SYT1: variants seen among roughly 807,000 people sequenced by gnomAD.
The protein encoded by SYT1 is synaptotagmin 1, also known as synaptotagmin-1.
In SYT1, 8 loss-of-function variants were observed where a neutral mutation model predicts 44.8. The observed-to-expected ratio is 0.18, with a 90% CI of 0.10 to 0.32. The LOEUF is 0.32. Ranked by LOEUF, SYT1 falls within the 10% of genes least tolerant of loss-of-function variation. The pLI is 1.00. For synonymous variants in SYT1, 154 were observed against 188.8 expected, an observed-to-expected ratio of 0.82 and a Z score of 1.51; for missense variants, 286 against 509.3, an observed-to-expected ratio of 0.56 and a Z score of 4.22.
intron 3 of SYT1, among the ~76,000 whole-genome samples, chr12:79,094,041 A>G (rs777107302): frequency 9.2e-5 from 14 of 151,652 alleles, no homozygotes; most frequent in Non-Finnish European, 1.6e-4. Flanking sequence ...TTGTAACAAG[A>G]AGTTAAAAGT....
intron 9 of SYT1, among the ~76,000 whole-genome samples, chr12:79,354,562 TAATTTGTCG>T (rs897251301): frequency 2.0e-5 from 3 of 152,194 alleles, no homozygotes; most frequent in Non-Finnish European, 4.4e-5. Flanking sequence ...ACTTACCCAC[TAATTTGTCG>T]ACCAAATTCT....
intron 1 of SYT1, among the ~76,000 whole-genome samples, chr12:78,936,997 G>T (rs1342297760): frequency 6.6e-6 from 1 of 151,966 alleles, no homozygotes; most frequent in Non-Finnish European, 1.5e-5. Context: ...ATGGCTCCCA[G>T]GTCCTTGAGA....
At chr12:79,100,971 C>T (rs939287160) in intron 3 of SYT1, among the ~76,000 whole-genome samples, 2 of 152,102 alleles carry the variant, frequency 1.3e-5, no homozygotes, top group African/African-American at 4.8e-5. Context: ...TTCTACCTCA[C>T]TGCAATGGAA....
chr12:79,140,827 G>A (rs964700878), intron 3 of SYT1, among the ~76,000 whole-genome samples: 2 of 152,214 alleles, frequency 1.3e-5, no homozygotes, highest in African/African-American at 2.4e-5. Context: ...TAGGCTAACA[G>A]ATTGCCAGCA....
intron 4 of SYT1, among the ~76,000 whole-genome samples, chr12:79,245,718 AT>A (rs1303208363): frequency 6.6e-6 from 1 of 152,200 alleles, no homozygotes; most frequent in Non-Finnish European, 1.5e-5. Context: ...TCACTGTCTA[AT>A]TAAATTCAAC....
chr12:78,974,435 T>C lies in SYT1; in HGVS notation c.-216-3364T>C, dbSNP rs1868661220. Among the ~76,000 whole-genome samples the C allele has an allele frequency of 1.3e-5, 2 of 151,978 alleles. 1 individual carries two copies. The highest frequency in any genetic ancestry group is 4.1e-4 in the South Asian group (2 of 4,826). ...AATTATTATTATTATTTTATTTTTA[T>C]TTATTTATCTATTTATTTTGTGATG... is the stretch of plus-strand genomic sequence containing the variant. On this transcript the variant is annotated intron_variant, in intron 1 of 10. Coordinates refer to ENST00000261205, the MANE Select transcript of SYT1 (RefSeq NM_005639.3).
rs57706449 is a variant in SYT1, at chr12:79,117,662, CATATATATATATATATATATATAT to C, written c.-18+70330_-18+70353del. 3.1e-3 allele frequency among the ~76,000 whole-genome samples: 121 copies of C among 39,310 alleles called. 2 individuals carry two copies. The highest frequency in any genetic ancestry group is 0.033 in the Middle Eastern group (2 of 60). 25.8% of individuals were successfully genotyped at this position (39,310 alleles called of 152,430 possible). On this transcript the variant is annotated intron_variant, in intron 3 of 10. Transcript: ENST00000261205. ...GTGTGTGTGTGTGTGTGTATTACAT[CATATATATATATATATATATATAT>C]ATATATATATATATATATATATATA...
rs1222234708 is a variant in SYT1 at position 79,064,968 on chromosome 12, GA to G, written c.-18+17609del. Among the ~76,000 whole-genome samples the G allele has an allele frequency of 3.3e-3, 495 of 149,650 alleles. 3 individuals carry two copies. The highest frequency in any genetic ancestry group is 0.012 in the African/African-American group (465 of 40,236). ...AGAAAGAAAGAAAGAAAGAAAGAAA[GA>G]AAGAAAGAAAGAAAGAAAGAAAGAA... On this transcript the variant is annotated intron_variant, in intron 3 of 10. Coordinates refer to ENST00000261205, the MANE Select transcript of SYT1 (RefSeq NM_005639.3).
At chr12:79,061,044 A>C (rs1228470143) in intron 3 of SYT1, among the ~76,000 whole-genome samples, 1 of 152,088 alleles carries the variant, frequency 6.6e-6, no homozygotes, top group African/African-American at 2.4e-5. Flanking sequence ...AGGGTATTTA[A>C]AAATTGCCAT....
chr12:79,139,014 G>A (rs1349008055), intron 3 of SYT1, among the ~76,000 whole-genome samples: 3 of 152,192 alleles, frequency 2.0e-5, no homozygotes, highest in Non-Finnish European at 4.4e-5. Context: ...CCACAGGACT[G>A]GCATTTCCTT....
chr12:79,233,535 G>A lies in SYT1; in HGVS notation c.166+15850G>A, dbSNP rs999760872. Among the ~76,000 whole-genome samples the A allele has an allele frequency of 6.6e-5, 10 of 152,200 alleles. 1 individual carries two copies. Among genetic ancestry groups the A allele is most frequent in the South Asian group, 4.1e-4 (2 of 4,832 alleles). On this transcript the variant is annotated intron_variant, in intron 4 of 10. Transcript: ENST00000261205. ...CTACATTGTCGATATCACCACAACC[G>A]TGGATATCATTTGAAGTGGTGCTTC...
At chr12:78,878,524 TAAGTTTG>T (rs1323083222) in intron 1 of SYT1, among the ~76,000 whole-genome samples, 4 of 151,772 alleles carry the variant, frequency 2.6e-5, no homozygotes, top group African/African-American at 9.7e-5. Context: ...TAGTGGTGAA[TAAGTTTG>T]AAGAGTATGT....
intron 9 of SYT1, among the ~76,000 whole-genome samples, chr12:79,435,718 A>G (rs1260025654): frequency 6.6e-6 from 1 of 152,220 alleles, no homozygotes; most frequent in Non-Finnish European, 1.5e-5. Flanking sequence ...AGCTTCTTCT[A>G]ATGCAGGGCT....
At chr12:79,250,705 G>A (rs780227571) in intron 4 of SYT1, among the ~76,000 whole-genome samples, 1 of 152,080 alleles carries the variant, frequency 6.6e-6, no homozygotes, top group Non-Finnish European at 1.5e-5. Context: ...TTTAGGTGGG[G>A]GGAACTCAAC....
intron 9 of SYT1, among the ~76,000 whole-genome samples, chr12:79,424,775 G>A (rs1248434801): frequency 6.6e-6 from 1 of 150,858 alleles, no homozygotes; most frequent in African/African-American, 2.4e-5. Flanking sequence ...ACTTCTGTTT[G>A]GTCTCCCATT....
intron 2 of SYT1, among the ~76,000 whole-genome samples, chr12:79,026,124 T>C (rs1334028272): frequency 1.3e-5 from 2 of 151,770 alleles, no homozygotes; most frequent in Admixed American, 6.6e-5. Context: ...GAAATATTAC[T>C]ATTCAAGTGT....
chr12:79,280,252 G>C (rs540842649), intron 4 of SYT1, among the ~76,000 whole-genome samples: 5 of 151,956 alleles, frequency 3.3e-5, no homozygotes, highest in Non-Finnish European at 5.9e-5. Flanking sequence ...ATACTACAAG[G>C]CTCTAGCAAC....
intron 1 of SYT1, among the ~76,000 whole-genome samples, chr12:78,885,600 G>T (rs1874703993): frequency 6.6e-6 from 1 of 152,044 alleles, no homozygotes; most frequent in Non-Finnish European, 1.5e-5. Context: ...TAGGGTTAAA[G>T]ATCAGGCCAT....
At chr12:79,201,874 A>C (rs1215237754) in intron 3 of SYT1, among the ~76,000 whole-genome samples, 2 of 152,184 alleles carry the variant, frequency 1.3e-5, no homozygotes, top group Non-Finnish European at 2.9e-5. Context: ...CACTCAGTAT[A>C]AGCACTTTAG....
Sources: allele counts gnomAD v4.1 joint callset (sites outside exome capture counted in the v4.1 genomes callset), GRCh38; gene constraint gnomAD v4.1.1; transcripts MANE v1.5; gene names NCBI Gene and HGNC (gene_info 2026-07-23, HGNC 2026-07-21).